The following ZNF438 variants were observed in gnomAD, a reference collection of about 807,000 sequenced individuals.
ZNF438 encodes zinc finger protein 438.
A neutral mutation model predicts 38.0 loss-of-function variants in ZNF438; 25 were observed. The ratio of observed to expected loss-of-function variants is 0.66; its 90% CI spans 0.48 to 0.92. The LOEUF (loss-of-function observed/expected upper bound fraction) is 0.92. Among genes scored for constraint, ZNF438 ranks in the 40% least tolerant of loss-of-function variants. ZNF438 has a pLI of 0.00. For synonymous variants in ZNF438, 372 were observed against 364.1 expected (o/e 1.02, Z -0.25); for missense variants, 1,007 against 999.6 (o/e 1.01, Z -0.10).
At chr10:30,972,508 A>G (rs1305523343) in intron 1 of ZNF438, among the ~76,000 whole-genome samples, 1 of 152,178 alleles carries the variant, frequency 6.6e-6, no homozygotes, top group African/African-American at 2.4e-5. Context: ...TTAGCCAATA[A>G]AGTGTGTATG....
chr10:30,962,417 G>C (rs1346822790), intron 1 of ZNF438, among the ~76,000 whole-genome samples: 1 of 147,254 alleles, frequency 6.8e-6, no homozygotes, highest in Non-Finnish European at 1.5e-5. Flanking sequence ...GCACATTCCT[G>C]AAACTTGTTC....
chr10:31,021,054 CTTTT>C (rs9331411), intron 1 of ZNF438, among the ~76,000 whole-genome samples: 41 of 128,546 alleles, frequency 3.2e-4, no homozygotes, highest in South Asian at 7.6e-4. Context: ...ACAACAGCAA[CTTTT>C]TTTTTTTTTT....
chr10:30,925,135 G>A (rs562732104), intron 2 of ZNF438, among the ~76,000 whole-genome samples: 1 of 152,098 alleles, frequency 6.6e-6, no homozygotes, highest in Non-Finnish European at 1.5e-5. Context: ...TGCCAATAAT[G>A]ACAGTGTTTT....
intron 1 of ZNF438, among the ~76,000 whole-genome samples, chr10:30,942,797 C>T (rs138449506): frequency 2.8e-4 from 42 of 152,312 alleles, no homozygotes; most frequent in African/African-American, 9.6e-4. Context: ...GTCTTGTTTG[C>T]TGCACTAAGT....
intron 1 of ZNF438, among the ~76,000 whole-genome samples, chr10:30,954,335 T>G (rs962760715): frequency 6.6e-6 from 1 of 152,168 alleles, no homozygotes; most frequent in African/African-American, 2.4e-5. Context: ...TTTTCAAAAC[T>G]AAACAGTTTC....
intron 1 of ZNF438, among the ~76,000 whole-genome samples, chr10:30,986,620 C>T (rs779792581): frequency 3.9e-5 from 6 of 152,186 alleles, no homozygotes; most frequent in Admixed American, 1.3e-4. Flanking sequence ...TGTTTGGGGT[C>T]GGAAGTGTTT....
chr10:31,007,285 T>G (rs1318381306), intron 1 of ZNF438, among the ~76,000 whole-genome samples: 7 of 147,866 alleles, frequency 4.7e-5, no homozygotes, highest in Admixed American at 4.0e-4. Context: ...TGTTTTTTTT[T>G]TTTTTTTTTT....
At chr10:30,942,719 TCCAA>T (rs1422098636) in intron 1 of ZNF438, among the ~76,000 whole-genome samples, 2 of 151,784 alleles carry the variant, frequency 1.3e-5, no homozygotes, top group Non-Finnish European at 2.9e-5. Flanking sequence ...ATTTCGTATC[TCCAA>T]CCTATAATAA....
At chr10:30,904,046 C>T (rs1430210307) in intron 3 of ZNF438, among the ~76,000 whole-genome samples, 1 of 149,730 alleles carries the variant, frequency 6.7e-6, no homozygotes, top group African/African-American at 2.4e-5. Context: ...AGGAGACAGA[C>T]TAGAACAACA....
chr10:30,874,108 GTGTGTGTATA>G (rs2037960982), intron 4 of ZNF438, among the ~76,000 whole-genome samples: 70 of 108,230 alleles, frequency 6.5e-4, no homozygotes, highest in African/African-American at 2.5e-3. Flanking sequence ...GTGGGGGTGT[GTGTGTGTATA>G]TATATATATA....
At chr10:31,031,655 C>A (rs1442780666) in intron 1 of ZNF438, among the ~76,000 whole-genome samples, 178 bp downstream of exon 1, 1 of 151,854 alleles carries the variant, frequency 6.6e-6, no homozygotes, top group Non-Finnish European at 1.5e-5. Flanking sequence ...CCTCCCGCAC[C>A]CCAGGTCCCT....
chr10:31,001,217 G>A (rs1219875631), intron 1 of ZNF438, among the ~76,000 whole-genome samples: 1 of 152,116 alleles, frequency 6.6e-6, no homozygotes, highest in Non-Finnish European at 1.5e-5. Flanking sequence ...CTCAAAAAAT[G>A]TTTTAAAAAA....
intron 1 of ZNF438, among the ~76,000 whole-genome samples, chr10:30,967,804 G>A (rs2050292182): frequency 1.3e-5 from 2 of 152,114 alleles, no homozygotes; most frequent in South Asian, 4.2e-4. Context: ...CAGGCCAGAA[G>A]GTTACTGGAG....
intron 2 of ZNF438, chr10:30,919,216 C>T (rs776872533): frequency 6.6e-6 from 1 of 152,190 alleles, no homozygotes; most frequent in African/African-American, 2.4e-5. Context: ...ATTCTTCAGA[C>T]ATCTGTATGT....
chr10:30,865,035 G>A (rs543152045), intron 4 of ZNF438, among the ~76,000 whole-genome samples: 13 of 152,306 alleles, frequency 8.5e-5, no homozygotes, highest in African/African-American at 3.1e-4. Flanking sequence ...CACCAAAGCT[G>A]TTCTCCCTCC....
intron 1 of ZNF438, among the ~76,000 whole-genome samples, chr10:30,966,041 T>C (rs1263510698): frequency 2.6e-5 from 4 of 152,226 alleles, no homozygotes; most frequent in African/African-American, 7.2e-5. Flanking sequence ...CATTCATTCA[T>C]TCAACAAACC....
intron 1 of ZNF438, among the ~76,000 whole-genome samples, chr10:30,977,839 C>T (rs545230149): frequency 5.3e-5 from 8 of 151,746 alleles, no homozygotes; most frequent in Non-Finnish European, 1.0e-4. Context: ...AAAAACTAGC[C>T]GGGCATGGTG....
intron 2 of ZNF438, among the ~76,000 whole-genome samples, chr10:30,934,982 T>C (rs759772948): frequency 6.6e-6 from 1 of 152,222 alleles, no homozygotes; most frequent in Non-Finnish European, 1.5e-5. Context: ...GGAAGTAAAA[T>C]ACCATAAAAT....
At chr10:30,926,654 GA>G (rs766575905) in intron 2 of ZNF438, among the ~76,000 whole-genome samples, 14,332 of 138,764 alleles carry the variant, frequency 0.1, 688 homozygotes, top group Non-Finnish European at 0.12. Flanking sequence ...CGACAGGGTG[GA>G]AAAAAAAAAA....
Sources: allele counts gnomAD v4.1 joint callset (sites outside exome capture counted in the v4.1 genomes callset), GRCh38; gene constraint gnomAD v4.1.1; transcripts MANE v1.5; gene names NCBI Gene and HGNC (gene_info 2026-07-23, HGNC 2026-07-21).